WDR35: variants seen among roughly 807,000 people sequenced by gnomAD.
WDR35 encodes WD repeat-containing protein 35.
A neutral mutation model predicts 158.3 loss-of-function variants in WDR35; 118 were observed. The ratio of observed to expected loss-of-function variants is 0.75; its 90% confidence interval spans 0.64 to 0.87. WDR35 has a LOEUF of 0.87. Ranked by LOEUF, WDR35 falls within the 40% of genes least tolerant of loss-of-function variation. WDR35 has a pLI of 0.00. For synonymous variants in WDR35, 448 were observed against 476.1 expected (o/e 0.94, Z 0.77); for missense variants, 1,263 against 1,405.8 (o/e 0.90, Z 1.62).
At chr2:19,984,156 C>T (rs1170739510) in intron 2 of WDR35, among the ~76,000 whole-genome samples, 1 of 152,008 alleles carries the variant, frequency 6.6e-6, no homozygotes, top group Non-Finnish European at 1.5e-5. Context: ...AGGTAGCATA[C>T]TCTTGACAAA....
At chr2:19,947,207 T>C (rs1468395325) in intron 14 of WDR35, among the ~76,000 whole-genome samples, 2 of 152,244 alleles carry the variant, frequency 1.3e-5, no homozygotes, top group Non-Finnish European at 2.9e-5. Context: ...TTCAAACCCT[T>C]GGCTGCCTCA....
At chr2:19,969,451 T>C (rs1215471452) in intron 9 of WDR35, 29 bp downstream of exon 9, 1 of 1,596,486 alleles carries the variant, frequency 6.3e-7, no homozygotes, top group South Asian at 1.1e-5. Context: ...AGAAACACTG[T>C]TTATTTTACA....
At chr2:19,953,702 A>G in intron 12 of WDR35, 132 bp downstream of exon 12, 1 of 1,198,130 alleles carries the variant, frequency 8.3e-7, no homozygotes, top group Admixed American at 1.9e-5. Flanking sequence ...TTTAAAGATA[A>G]TCAAATTAAT....
At chr2:19,952,101 T>G (rs1671256857) in intron 12 of WDR35, among the ~76,000 whole-genome samples, 1 of 152,178 alleles carries the variant, frequency 6.6e-6, no homozygotes, top group Non-Finnish European at 1.5e-5. Context: ...GGGCTTTTAG[T>G]GCAACCACAA....
chr2:19,986,296 A>G (rs1029196170), intron 2 of WDR35, among the ~76,000 whole-genome samples: 14 of 152,176 alleles, frequency 9.2e-5, no homozygotes, highest in African/African-American at 3.4e-4. Context: ...CGTCTGAAAA[A>G]TCAGGACTGG....
chr2:19,945,648 T>C, intron 16 of WDR35, 138 bp downstream of exon 16: 2 of 914,576 alleles, frequency 2.2e-6, no homozygotes, highest in South Asian at 1.5e-5. Flanking sequence ...GAAATGTTCC[T>C]ATTTATTTTC....
At chr2:19,976,966 T>C (rs1672237556) in intron 5 of WDR35, among the ~76,000 whole-genome samples, 1 of 151,924 alleles carries the variant, frequency 6.6e-6, no homozygotes, top group Admixed American at 6.6e-5. Flanking sequence ...ACTACAGGAG[T>C]ATGCCACCAC....
In WDR35 at chr2:19,952,887, C is replaced by T. The variant is rs1304363964; in HGVS notation, c.1400+947G>A. 6.2e-5 allele frequency among the ~76,000 whole-genome samples: 9 copies of T among 144,080 alleles called. No homozygotes were observed. In the Admixed American group the frequency reaches 6.7e-4, roughly 11 times the overall value. 94.5% of individuals were successfully genotyped at this position (144,080 alleles called of 152,430 possible). ...CACTGCAAGCTCCGCCTCCCGGGTT[C>T]ACGCCATTCTCCTGCCTCAGCCTCC... On this transcript the variant is annotated intron_variant, in intron 12 of 26. Transcript: ENST00000281405.
At chr2:19,954,757 T>G (rs1352609022) in intron 11 of WDR35, among the ~76,000 whole-genome samples, 1 of 152,174 alleles carries the variant, frequency 6.6e-6, no homozygotes, top group Non-Finnish European at 1.5e-5. Context: ...CTCAAAATGT[T>G]AAATACAGAG....
intron 2 of WDR35, among the ~76,000 whole-genome samples, chr2:19,983,076 C>G (rs1172615342): frequency 6.6e-6 from 1 of 152,172 alleles, no homozygotes; most frequent in African/African-American, 2.4e-5. Flanking sequence ...AATATATACT[C>G]ACATACACAT....
At position 19,932,250 on chromosome 2, in the gene WDR35, C is replaced by A. The variant is rs1386999671; in HGVS notation, c.2823+33G>T. 3.7e-6 allele frequency: 6 copies of A among 1,611,852 alleles called. 1 individual carries two copies. In the South Asian group the frequency reaches 6.6e-5, roughly 18 times the overall value. On this transcript the variant is annotated intron_variant, in intron 23 of 26. Transcript: ENST00000281405. ...ATATATTAAAATATTGTGACTGGAACAAATCAACTATTCACCAAGATTTTT... is the reference window on the plus strand; with the variant it reads ...ATATATTAAAATATTGTGACTGGAAAAAATCAACTATTCACCAAGATTTTT...
At chr2:19,971,138 A>C (rs538144296) in intron 8 of WDR35, among the ~76,000 whole-genome samples, 1 of 152,316 alleles carries the variant, frequency 6.6e-6, no homozygotes, top group South Asian at 2.1e-4. Context: ...GCAATCGAAC[A>C]TTTTTAATCT....
At chr2:19,977,786 C>T (rs923652676) in intron 5 of WDR35, among the ~76,000 whole-genome samples, 3 of 152,198 alleles carry the variant, frequency 2.0e-5, no homozygotes, top group Non-Finnish European at 4.4e-5. Context: ...AGATTCACTG[C>T]ATACTACTCT....
In WDR35 at chr2:19,975,510, T is replaced by C; in HGVS notation, c.570+20A>G. The C allele has an allele frequency of 3.1e-6, 5 of 1,607,622 alleles. No individual in the cohort carries two copies. The highest frequency in any genetic ancestry group is 4.3e-6 in the Non-Finnish European group (5 of 1,175,794). ...TCATATAAAATTGTATAAACAAGACTGATGCATACACTTACTTACCATAAA... is the reference window on the plus strand; with the variant it reads ...TCATATAAAATTGTATAAACAAGACCGATGCATACACTTACTTACCATAAA... On this transcript the variant is annotated intron_variant, in intron 6 of 26. Transcript: ENST00000281405.
chr2:19,973,376 T>C (rs1303853156), intron 8 of WDR35, among the ~76,000 whole-genome samples, 187 bp downstream of exon 8: 2 of 152,128 alleles, frequency 1.3e-5, no homozygotes, highest in Admixed American at 6.5e-5. Flanking sequence ...ATTTTTATTT[T>C]ATAATTATAA....
At chr2:19,948,501 A>ATGAC (rs1671130110) in intron 13 of WDR35, among the ~76,000 whole-genome samples, 1 of 152,220 alleles carries the variant, frequency 6.6e-6, no homozygotes, top group South Asian at 2.1e-4. Flanking sequence ...AACAGAGGTT[A>ATGAC]TGACAGTGCA....
chr2:19,931,482 T>G, intron 23 of WDR35, 73 bp from the exon 24 acceptor site: 1 of 1,561,970 alleles, frequency 6.4e-7, no homozygotes, highest in South Asian at 1.1e-5. Flanking sequence ...TTTCCAAAAC[T>G]AACAAATTTG....
Position 19,969,499 on chromosome 2 carries a change from T to C in WDR35, c.989A>G (p.Asn330Ser), listed in dbSNP as rs755016311. Residue 330 changes from asparagine to serine, a missense_variant, in exon 9 of 27, where the codon AAC (asparagine) becomes AGC (serine). Asn to Ser is a conservative substitution (Grantham distance 46). Transcript: ENST00000281405. ...ATTTACCTTATAATTAGGTCGAATG[T>C]TTGCAAAATATATAAAGGAATCAAC... ...LAVDSFIYFA[N>S]IRPNYKWGYC... The C allele has an allele frequency of 1.2e-5, 19 of 1,613,080 alleles. 2 individuals carry two copies. Among genetic ancestry groups the C allele is most frequent in the Non-Finnish European group, 1.4e-5 (16 of 1,179,280 alleles).
chr2:19,988,193 C>G (rs1286568027), intron 2 of WDR35, among the ~76,000 whole-genome samples: 1 of 152,182 alleles, frequency 6.6e-6, no homozygotes, highest in African/African-American at 2.4e-5. Flanking sequence ...CCTAGAATAC[C>G]TACTGCCCAA....
Sources: allele counts gnomAD v4.1 joint callset (sites outside exome capture counted in the v4.1 genomes callset), GRCh38; gene constraint gnomAD v4.1.1; transcripts MANE v1.5; gene names NCBI Gene and HGNC (gene_info 2026-07-23, HGNC 2026-07-21).